Variants in PLPP4 observed in about 807,000 individuals in gnomAD.
PLPP4 encodes the protein phospholipid phosphatase 4.
A neutral mutation model predicts 32.2 loss-of-function variants in PLPP4; 20 were observed. That is an observed-to-expected ratio of 0.62 (90% CI 0.44 to 0.90). The LOEUF (loss-of-function observed/expected upper bound fraction) is 0.90, where lower values mean the gene tolerates loss of function less well. Among genes scored for constraint, PLPP4 ranks in the 40% least tolerant of loss-of-function variants. The pLI is 0.00. For synonymous variants in PLPP4, 127 were observed against 133.0 expected, an observed-to-expected ratio of 0.95 and a Z score of 0.31; for missense variants, 257 against 353.1, an observed-to-expected ratio of 0.73 and a Z score of 2.18.
rs35501001 is a variant in PLPP4 at position 120,528,069 on chromosome 10, G to GTTTTTTTT, written c.445+6990_445+6997dup. Among the ~76,000 whole-genome samples the GTTTTTTTT allele has an allele frequency of 5.9e-5, 5 of 84,266 alleles. 1 individual carries two copies. Among genetic ancestry groups the GTTTTTTTT allele is most frequent in the African/African-American group, 4.8e-5 (1 of 20,680 alleles). 55.3% of individuals were successfully genotyped at this position (84,266 alleles called of 152,430 possible). A position where few individuals can be genotyped will look rare whatever the true frequency, so the allele number is the denominator to read the frequency against. ...GGAAATTTGAAAAATACCACTCTCC[G>GTTTTTTTT]TTTTTTTTTTTTTTTTTTTTTTTGA... is the stretch of plus-strand genomic sequence containing the variant. On this transcript the variant is annotated intron_variant, in intron 5 of 6. Transcript: ENST00000398250.
At position 120,566,409 on chromosome 10, in the gene PLPP4, A is replaced by G. The variant is rs562082898; in HGVS notation, c.446-8722A>G. Among the ~76,000 whole-genome samples, 5 of 152,342 alleles carry G rather than the reference A, an allele frequency of 3.3e-5. No individual in the cohort carries two copies. The South Asian group carries it at 1.0e-3, about 32-fold the overall frequency. On this transcript the variant is annotated intron_variant, in intron 5 of 6. Transcript: ENST00000398250. Reference sequence around the variant, plus strand: ...AAGGTTTTTTGGAGACCATATGAGAAGCATGAATTGGATAGCAAAAACCTA... The same window carrying G: ...AAGGTTTTTTGGAGACCATATGAGAGGCATGAATTGGATAGCAAAAACCTA...
At chr10:120,559,632 A>G (rs996120587) in intron 5 of PLPP4, among the ~76,000 whole-genome samples, 1 of 151,744 alleles carries the variant, frequency 6.6e-6, no homozygotes, top group Non-Finnish European at 1.5e-5. Context: ...TTTTTTTTCA[A>G]TGAATATATT....
intron 5 of PLPP4, among the ~76,000 whole-genome samples, chr10:120,560,033 A>G (rs1284783757): frequency 6.6e-6 from 1 of 152,220 alleles, no homozygotes; most frequent in African/African-American, 2.4e-5. Flanking sequence ...GGCGCTGATC[A>G]CCTTCACGTG....
At chr10:120,500,874 T>C (rs939216347) in intron 1 of PLPP4, among the ~76,000 whole-genome samples, 1 of 152,120 alleles carries the variant, frequency 6.6e-6, no homozygotes, top group Non-Finnish European at 1.5e-5. Flanking sequence ...GGGAAGAGGT[T>C]CTCTCCCCCA....
chr10:120,496,843 C>A (rs1358121116), intron 1 of PLPP4, among the ~76,000 whole-genome samples: 1 of 150,570 alleles, frequency 6.6e-6, no homozygotes, highest in Non-Finnish European at 1.5e-5. Context: ...CAGAATTAAC[C>A]AACAAGAGCA....
chr10:120,537,989 CCTTTCTCTCTCTCTCT>C (rs1220940920), intron 5 of PLPP4, among the ~76,000 whole-genome samples: 1 of 75,622 alleles, frequency 1.3e-5, no homozygotes, highest in Non-Finnish European at 2.5e-5. Context: ...ACCACCAGGC[CCTTTCTCTCTCTCTCT>C]CTCTCTCTCT....
intron 5 of PLPP4, among the ~76,000 whole-genome samples, chr10:120,546,294 T>A (rs1225137997): frequency 6.6e-6 from 1 of 152,128 alleles, no homozygotes; most frequent in Admixed American, 6.5e-5. Flanking sequence ...TTCTTGAGAA[T>A]GGAAAATGGA....
intron 5 of PLPP4, among the ~76,000 whole-genome samples, chr10:120,522,245 G>T (rs1412835135): frequency 6.6e-6 from 1 of 152,094 alleles, no homozygotes; most frequent in Non-Finnish European, 1.5e-5. Flanking sequence ...TCCTACTAAT[G>T]GCTGAATCAA....
At chr10:120,527,537 T>C (rs1846459214) in intron 5 of PLPP4, among the ~76,000 whole-genome samples, 1 of 152,222 alleles carries the variant, frequency 6.6e-6, no homozygotes, top group Non-Finnish European at 1.5e-5. Flanking sequence ...TGGTGTGTGT[T>C]TGACTGAACA....
At chr10:120,535,383 T>C (rs1564823226) in intron 5 of PLPP4, among the ~76,000 whole-genome samples, 1 of 152,196 alleles carries the variant, frequency 6.6e-6, no homozygotes, top group Non-Finnish European at 1.5e-5. Flanking sequence ...GCTCAATGTA[T>C]AGTTTATCTT....
rs181909080 is a variant in PLPP4, at chr10:120,544,279, T to C, written c.445+23184T>C. Among the ~76,000 whole-genome samples the C allele has an allele frequency of 1.4e-3, 219 of 152,322 alleles. 1 individual carries two copies. Among genetic ancestry groups the C allele is most frequent in the Admixed American group, 4.0e-3 (62 of 15,312 alleles). The stretch of plus-strand genomic sequence containing the variant: ...TGCCAATACTTGTTATTTTCGGTTT[T>C]AATTTTTTTTATAGTGGACTCCCTG... On this transcript the variant is annotated intron_variant, in intron 5 of 6. Transcript: ENST00000398250.
chr10:120,487,161 C>A (rs1844496394), intron 1 of PLPP4, among the ~76,000 whole-genome samples: 1 of 152,262 alleles, frequency 6.6e-6, no homozygotes, highest in Non-Finnish European at 1.5e-5. Context: ...ACCTTACAAT[C>A]ACAACTGCAG....
Position 120,502,604 on chromosome 10 carries a change from G to T in PLPP4, c.57-1214G>T, listed in dbSNP as rs558434836. Reference sequence around the variant, plus strand: ...ACTCTACAGTGACAGCCCTGGAGTGGCTCCTGCCCTCACACCCTCACAGGG... The same window carrying T: ...ACTCTACAGTGACAGCCCTGGAGTGTCTCCTGCCCTCACACCCTCACAGGG... On this transcript the variant is annotated intron_variant, in intron 1 of 6. Transcript: ENST00000398250. 9.9e-4 allele frequency among the ~76,000 whole-genome samples: 151 copies of T among 152,212 alleles called. 4 individuals are homozygous for T. In the South Asian group the frequency reaches 0.03, roughly 30 times the overall value.
chr10:120,461,524 G>A (rs1848046141), intron 1 of PLPP4, among the ~76,000 whole-genome samples: 1 of 152,058 alleles, frequency 6.6e-6, no homozygotes, highest in African/African-American at 2.4e-5. Flanking sequence ...CTGTCTGCAG[G>A]GTCCCCCTAG....
chr10:120,512,162 C>T (rs568201918), intron 2 of PLPP4, among the ~76,000 whole-genome samples: 7 of 152,276 alleles, frequency 4.6e-5, no homozygotes, highest in African/African-American at 1.4e-4. Context: ...AGTACTTCAA[C>T]AAGCCGTGTA....
At chr10:120,459,181 C>CA (rs1259429792) in intron 1 of PLPP4, among the ~76,000 whole-genome samples, 4 of 152,192 alleles carry the variant, frequency 2.6e-5, no homozygotes, top group Non-Finnish European at 5.9e-5. Context: ...AAAAGCTGGA[C>CA]AGGCAGTTTA....
At chr10:120,478,027 A>T (rs1844016792) in intron 1 of PLPP4, among the ~76,000 whole-genome samples, 1 of 152,118 alleles carries the variant, frequency 6.6e-6, no homozygotes, top group South Asian at 2.1e-4. Context: ...TTTCACTGAG[A>T]TGTCCTTTGG....
intron 2 of PLPP4, among the ~76,000 whole-genome samples, chr10:120,505,180 GC>G (rs1845438231): frequency 6.6e-6 from 1 of 152,208 alleles, no homozygotes; most frequent in African/African-American, 2.4e-5. Context: ...GAGGGAACTT[GC>G]CCAAGGTCAC....
At chr10:120,462,334 G>A (rs1044684836) in intron 1 of PLPP4, among the ~76,000 whole-genome samples, 2 of 152,136 alleles carry the variant, frequency 1.3e-5, no homozygotes, top group Admixed American at 1.3e-4. Context: ...AAACTGGGGG[G>A]GCCTGGAGGT....
Sources: gnomAD v4.1 joint callset for allele counts (sites outside exome capture counted in the v4.1 genomes callset) on GRCh38, gnomAD v4.1.1 for gene constraint, MANE v1.5 for transcripts, NCBI Gene and HGNC (gene_info 2026-07-23, HGNC 2026-07-21) for gene names.